NR6A1: variants seen among roughly 807,000 people sequenced by gnomAD.
NR6A1 encodes the protein nuclear receptor subfamily 6 group A member 1, also known as retinoic acid receptor-related testis-associated receptor.
NR6A1 carries 7 observed loss-of-function variants against 59.1 expected under a neutral mutation model. The observed-to-expected ratio is 0.12, with a 90% CI of 0.07 to 0.22. The LOEUF (loss-of-function observed/expected upper bound fraction) is 0.22. NR6A1 is among the 10% of genes least tolerant of loss of function. NR6A1 has a pLI of 1.00. For missense variants in NR6A1, 468 were observed against 611.6 expected (o/e 0.77, Z 2.48); for synonymous variants, 243 against 236.1 (o/e 1.03, Z -0.27).
chr9:124,728,018 ATTTTTG>A (rs1380216989), intron 2 of NR6A1, among the ~76,000 whole-genome samples: 1 of 147,218 alleles, frequency 6.8e-6, no homozygotes, highest in Non-Finnish European at 1.5e-5. Context: ...TTTTATTTTT[ATTTTTG>A]TATTTATTTA....
intron 2 of NR6A1, among the ~76,000 whole-genome samples, chr9:124,635,597 C>T (rs1052959806): frequency 1.3e-5 from 2 of 152,308 alleles, no homozygotes; most frequent in East Asian, 1.9e-4. Context: ...TTCTTCACAG[C>T]AGGGTGAGAA....
intron 2 of NR6A1, among the ~76,000 whole-genome samples, chr9:124,581,913 T>C (rs1286009995): frequency 6.6e-6 from 1 of 151,550 alleles, no homozygotes; most frequent in Non-Finnish European, 1.5e-5. Flanking sequence ...TATTAAAGAG[T>C]GAAGAAACAA....
chr9:124,598,647 TAAAAAA>T, intron 2 of NR6A1: 1 of 159,926 alleles, frequency 6.3e-6, no homozygotes, highest in Non-Finnish European at 1.1e-5. Flanking sequence ...AGAGTAAAAT[TAAAAAA>T]AAAAAAAAAA....
intron 2 of NR6A1, among the ~76,000 whole-genome samples, chr9:124,667,091 A>G (rs1837646958): frequency 6.7e-6 from 1 of 149,650 alleles, no homozygotes; most frequent in Admixed American, 6.7e-5. Flanking sequence ...GCTGGAGTGC[A>G]GTGGCGCAAT....
intron 1 of NR6A1, among the ~76,000 whole-genome samples, chr9:124,758,826 G>A (rs952159675): frequency 6.6e-6 from 1 of 152,166 alleles, no homozygotes; most frequent in Admixed American, 6.5e-5. Flanking sequence ...AGAGAATGTG[G>A]GCAGTCAGTA....
intron 2 of NR6A1, among the ~76,000 whole-genome samples, chr9:124,645,492 G>A (rs1321605474): frequency 6.6e-6 from 1 of 152,186 alleles, no homozygotes; most frequent in Non-Finnish European, 1.5e-5. Context: ...AGTGGAAGCA[G>A]CTATGCTAAT....
intron 2 of NR6A1, among the ~76,000 whole-genome samples, chr9:124,648,557 CT>C (rs896516179): frequency 6.6e-6 from 1 of 152,030 alleles, no homozygotes; most frequent in African/African-American, 2.4e-5. Flanking sequence ...GACTTTCATC[CT>C]TTTATTCAAA....
At chr9:124,534,606 A>C (rs1292888598) in intron 7 of NR6A1, among the ~76,000 whole-genome samples, 2 of 152,180 alleles carry the variant, frequency 1.3e-5, no homozygotes, top group East Asian at 3.9e-4. Flanking sequence ...TGACAAAGAG[A>C]ATAGCTCAGT....
At chr9:124,717,844 A>T (rs1839448245) in intron 2 of NR6A1, among the ~76,000 whole-genome samples, 1 of 152,242 alleles carries the variant, frequency 6.6e-6, no homozygotes, top group African/African-American at 2.4e-5. Flanking sequence ...AATGGGGCAG[A>T]ACAAGAGTTG....
intron 2 of NR6A1, chr9:124,599,044 C>A (rs2130817341): frequency 2.7e-6 from 2 of 736,024 alleles, no homozygotes; most frequent in South Asian, 1.4e-5. Context: ...GGCGGGTGGT[C>A]CCCTTCTCCT....
chr9:124,621,348 G>A (rs1836067243), intron 2 of NR6A1, among the ~76,000 whole-genome samples: 1 of 151,994 alleles, frequency 6.6e-6, no homozygotes, highest in South Asian at 2.1e-4. Context: ...CATACATTGG[G>A]GATTCAAGAA....
chr9:124,523,559 C>T (rs1832852350), intron 9 of NR6A1, among the ~76,000 whole-genome samples: 1 of 151,560 alleles, frequency 6.6e-6, no homozygotes, highest in Non-Finnish European at 1.5e-5. Flanking sequence ...ATTGGAAGTG[C>T]CGCCAAGGCT....
intron 2 of NR6A1, among the ~76,000 whole-genome samples, chr9:124,570,975 G>A (rs1834422332): frequency 6.6e-6 from 1 of 152,182 alleles, no homozygotes; most frequent in Non-Finnish European, 1.5e-5. Context: ...GCCCCTCTAT[G>A]CCCTTTATGT....
chr9:124,749,176 C>G (rs1253029882), intron 1 of NR6A1, among the ~76,000 whole-genome samples: 1 of 151,380 alleles, frequency 6.6e-6, no homozygotes, highest in African/African-American at 2.4e-5. Context: ...GCAGGAGAAT[C>G]ACTTGAACCC....
intron 2 of NR6A1, among the ~76,000 whole-genome samples, chr9:124,556,864 T>C (rs981770528): frequency 1.0e-4 from 15 of 144,536 alleles, no homozygotes; most frequent in Admixed American, 4.0e-4. Context: ...GAAACTAATA[T>C]ACCTTTTTTT....
At chr9:124,750,498 C>T (rs1201641755) in intron 1 of NR6A1, among the ~76,000 whole-genome samples, 3 of 152,164 alleles carry the variant, frequency 2.0e-5, no homozygotes, top group Non-Finnish European at 4.4e-5. Flanking sequence ...CGGTGGCTCA[C>T]GCCTGTAATC....
chr9:124,718,120 C>G (rs1420171907), intron 2 of NR6A1, among the ~76,000 whole-genome samples: 2 of 152,224 alleles, frequency 1.3e-5, no homozygotes, highest in African/African-American at 4.8e-5. Flanking sequence ...GTTGCCTATG[C>G]TACTCAGCAA....
chr9:124,742,259 G>C (rs1426926819), intron 1 of NR6A1, among the ~76,000 whole-genome samples: 4 of 152,126 alleles, frequency 2.6e-5, no homozygotes, highest in African/African-American at 9.7e-5. Context: ...AAAAGCACAA[G>C]GAGTTTTAAA....
At chr9:124,726,671 C>T (rs1839728364) in intron 2 of NR6A1, among the ~76,000 whole-genome samples, 1 of 152,090 alleles carries the variant, frequency 6.6e-6, no homozygotes, top group African/African-American at 2.4e-5. Flanking sequence ...AAGCTTTGAC[C>T]AAGAAATTCT....
Sources: gnomAD v4.1 joint callset for allele counts (sites outside exome capture counted in the v4.1 genomes callset) on GRCh38, gnomAD v4.1.1 for gene constraint, MANE v1.5 for transcripts, NCBI Gene and HGNC (gene_info 2026-07-23, HGNC 2026-07-21) for gene names.